Variants in OPCML observed in about 807,000 individuals in gnomAD.
OPCML encodes the protein opioid binding protein/cell adhesion molecule like, also known as opioid-binding protein/cell adhesion molecule.
In OPCML, 13 loss-of-function variants were observed where a neutral mutation model predicts 37.8. The ratio of observed to expected loss-of-function variants is 0.34; its 90% CI spans 0.22 to 0.55. The LOEUF is 0.55. Ranked by LOEUF, OPCML falls within the 20% of genes least tolerant of loss-of-function variation. The pLI, the probability that OPCML is intolerant of heterozygous loss-of-function variation, is 0.91. For missense variants in OPCML, 341 were observed against 435.6 expected, an observed-to-expected ratio of 0.78 and a Z score of 1.93; for synonymous variants, 176 against 168.8, an observed-to-expected ratio of 1.04 and a Z score of -0.33.
intron 1 of OPCML, among the ~76,000 whole-genome samples, chr11:132,980,118 T>C (rs181532844): frequency 4.3e-4 from 65 of 152,220 alleles, no homozygotes; most frequent in Non-Finnish European, 9.0e-4. Flanking sequence ...GGATGGCAAA[T>C]GTATATTCAC....
chr11:133,211,316 C>T lies in OPCML; in HGVS notation c.62-268306G>A, dbSNP rs1207319241. Among the ~76,000 whole-genome samples, 1 of 152,162 alleles carries T rather than the reference C, an allele frequency of 6.6e-6. No individual in the cohort carries two copies. Among genetic ancestry groups the T allele is most frequent in the Non-Finnish European group, 1.5e-5 (1 of 68,026 alleles). ...AGCACCCAGCACCTAAAAATCCACT[C>T]TTTAAGCATAATAGTCTATTGATTA... is the stretch of plus-strand genomic sequence containing the variant. On this transcript the variant is annotated intron_variant, in intron 1 of 7. Coordinates refer to ENST00000524381, the MANE Select transcript of OPCML (RefSeq NM_001012393.5). This position sits in a 1 kb window ranked among gnomAD's most constrained non-coding sequence, Gnocchi z 4.1.
At chr11:133,499,448 T>C (rs932816013) in intron 1 of OPCML, among the ~76,000 whole-genome samples, 3 of 152,170 alleles carry the variant, frequency 2.0e-5, no homozygotes, top group Non-Finnish European at 4.4e-5. Flanking sequence ...TAATGATCCC[T>C]GGCCTCCCCT....
chr11:132,937,040 A>C lies in OPCML; in HGVS notation c.146+5886T>G, dbSNP rs571194323. Among the ~76,000 whole-genome samples, 10 of 152,290 alleles carry C rather than the reference A, an allele frequency of 6.6e-5. No individual in the cohort carries two copies. In the South Asian group the frequency reaches 2.1e-3, roughly 32 times the overall value. On this transcript the variant is annotated intron_variant, in intron 2 of 7. Coordinates refer to ENST00000524381, the MANE Select transcript of OPCML (RefSeq NM_001012393.5). ...TCTGTCAGCCCTAAAGATATCTTGG[A>C]CTGTAATTCCCTCTTCTCATCTCAT...
At chr11:132,972,738 G>A (rs951513527) in intron 1 of OPCML, among the ~76,000 whole-genome samples, 1 of 152,162 alleles carries the variant, frequency 6.6e-6, no homozygotes, top group Non-Finnish European at 1.5e-5. Flanking sequence ...GTTTGCTGCT[G>A]AACAAAAACA....
chr11:133,521,933 C>A (rs903260571), intron 1 of OPCML, among the ~76,000 whole-genome samples: 1 of 152,234 alleles, frequency 6.6e-6, no homozygotes, highest in Admixed American at 6.5e-5. Flanking sequence ...CTGCTACCAT[C>A]TGACCATATC....
chr11:132,831,348 A>G (rs1265940744), intron 2 of OPCML, among the ~76,000 whole-genome samples: 1 of 152,130 alleles, frequency 6.6e-6, no homozygotes. Flanking sequence ...AACCAGGTAA[A>G]ATGATTTTCA....
intron 2 of OPCML, among the ~76,000 whole-genome samples, chr11:132,701,618 T>A (rs1248525045): frequency 6.6e-6 from 1 of 152,184 alleles, no homozygotes; most frequent in Non-Finnish European, 1.5e-5. Flanking sequence ...CTATGTCTTT[T>A]GATTGGAGAA....
chr11:132,991,268 G>A (rs879456792), intron 1 of OPCML, among the ~76,000 whole-genome samples: 2 of 152,176 alleles, frequency 1.3e-5, no homozygotes, highest in Non-Finnish European at 2.9e-5. Flanking sequence ...TAAAGAGTAG[G>A]AGTGAAGTTA....
chr11:132,935,345 C>T lies in OPCML; in HGVS notation c.146+7581G>A, dbSNP rs1006865742. On this transcript the variant is annotated intron_variant, in intron 2 of 7. Coordinates refer to ENST00000524381, the MANE Select transcript of OPCML (RefSeq NM_001012393.5). ...ATCGTATTCTTTTTTCTCTCTTTTG[C>T]GTAATTACTTCTGCAACAACGTTGT... Among the ~76,000 whole-genome samples the T allele has an allele frequency of 4.7e-4, 71 of 152,152 alleles. 2 individuals carry two copies. Among genetic ancestry groups the T allele is most frequent in the Admixed American group, 2.7e-3 (42 of 15,290 alleles).
At chr11:133,134,249 G>A (rs1012559363) in intron 1 of OPCML, among the ~76,000 whole-genome samples, 1 of 152,044 alleles carries the variant, frequency 6.6e-6, no homozygotes, top group Non-Finnish European at 1.5e-5. Flanking sequence ...CACATGACCA[G>A]CACCACAAAA....
intron 4 of OPCML, among the ~76,000 whole-genome samples, chr11:132,487,183 G>C (rs1244397765): frequency 1.3e-5 from 2 of 152,176 alleles, no homozygotes; most frequent in South Asian, 4.1e-4. Flanking sequence ...AGAAAAACAG[G>C]TTGACTCGGG....
At chr11:132,767,967 A>G (rs942556009) in intron 2 of OPCML, among the ~76,000 whole-genome samples, 4 of 152,200 alleles carry the variant, frequency 2.6e-5, no homozygotes, top group African/African-American at 9.7e-5. Flanking sequence ...CAAAGTAGAA[A>G]TCAAGAGTGA....
At chr11:133,497,340 G>A (rs1401461997) in intron 1 of OPCML, among the ~76,000 whole-genome samples, 1 of 152,088 alleles carries the variant, frequency 6.6e-6, no homozygotes, top group Non-Finnish European at 1.5e-5. Context: ...TTCTAAAAGT[G>A]TGTCCAAAGT....
intron 1 of OPCML, among the ~76,000 whole-genome samples, chr11:133,251,585 G>A (rs1476563377): frequency 6.6e-6 from 1 of 151,642 alleles, no homozygotes; most frequent in African/African-American, 2.4e-5. Flanking sequence ...TTTGGGGGGG[G>A]GAGGGGACAC....
At chr11:133,104,821 A>C (rs1949133806) in intron 1 of OPCML, among the ~76,000 whole-genome samples, 1 of 151,598 alleles carries the variant, frequency 6.6e-6, no homozygotes, top group African/African-American at 2.4e-5. Context: ...ATTTTAATTA[A>C]ATGGATCATG....
intron 2 of OPCML, among the ~76,000 whole-genome samples, chr11:132,778,958 TTTC>T (rs1263733040): frequency 7.0e-6 from 1 of 143,478 alleles, no homozygotes; most frequent in Non-Finnish European, 1.5e-5. Context: ...AGGTGGTATA[TTTC>T]TTTTTTTTTT....
intron 2 of OPCML, among the ~76,000 whole-genome samples, chr11:132,790,800 A>G (rs1478583860): frequency 2.0e-5 from 3 of 152,226 alleles, no homozygotes; most frequent in African/African-American, 2.4e-5. Flanking sequence ...GCTGACTGCA[A>G]CAAATGCCTT....
At chr11:133,059,638 T>C (rs1948303471) in intron 1 of OPCML, among the ~76,000 whole-genome samples, 2 of 152,352 alleles carry the variant, frequency 1.3e-5, no homozygotes, top group South Asian at 4.1e-4. Context: ...TTTAAAACTT[T>C]GCCTGGTGAG....
At chr11:132,561,884 A>G (rs994942114) in intron 3 of OPCML, among the ~76,000 whole-genome samples, 2 of 152,176 alleles carry the variant, frequency 1.3e-5, no homozygotes, top group Non-Finnish European at 2.9e-5. Context: ...TTTCCAATTG[A>G]ACTTTCTAGG....
Sources: gnomAD v4.1 joint callset for allele counts (sites outside exome capture counted in the v4.1 genomes callset) on GRCh38, gnomAD v4.1.1 for gene constraint, Gnocchi (gnomAD v3.1) non-coding constraint, MANE v1.5 for transcripts, NCBI Gene and HGNC (gene_info 2026-07-23, HGNC 2026-07-21) for gene names.